The following UNC13B variants were observed in gnomAD, a reference collection of about 807,000 sequenced individuals.
UNC13B encodes protein unc-13 homolog B.
Under a neutral mutation model 211.0 loss-of-function variants are expected in UNC13B, and 144 were observed. The ratio of observed to expected loss-of-function variants is 0.68; its 90% CI spans 0.60 to 0.78. The LOEUF is 0.78. Ranked by LOEUF, UNC13B falls within the 30% of genes least tolerant of loss-of-function variation. UNC13B has a pLI of 0.00. For synonymous variants in UNC13B, 709 were observed against 725.8 expected (o/e 0.98, Z 0.37); for missense variants, 1,777 against 2,002.0 (o/e 0.89, Z 2.14).
At chr9:35,342,362 T>C in intron 11 of UNC13B, 2 of 985,770 alleles carry the variant, frequency 2.0e-6, no homozygotes, top group Non-Finnish European at 2.4e-6. Flanking sequence ...GTACCGAGTG[T>C]GTATGACTGA....
intron 6 of UNC13B, among the ~76,000 whole-genome samples, chr9:35,244,888 C>T (rs193244201): frequency 7.4e-4 from 113 of 152,270 alleles, no homozygotes; most frequent in Non-Finnish European, 1.4e-3. Flanking sequence ...GGACAAGCAA[C>T]ATCTACTCTT....
intron 1 of UNC13B, among the ~76,000 whole-genome samples, chr9:35,190,705 G>T (rs548730616): frequency 3.3e-5 from 5 of 152,196 alleles, no homozygotes; most frequent in African/African-American, 7.2e-5. Context: ...AAAGAAAAAA[G>T]ACTTTTTCCA....
chr9:35,405,255 C>T lies in UNC13B; in HGVS notation c.*1222C>T, dbSNP rs979403183. 1.3e-5 allele frequency: 2 copies of T among 152,638 alleles called. No homozygotes were observed. Among genetic ancestry groups the T allele is most frequent in the African/African-American group, 4.8e-5 (2 of 41,452 alleles). 9.5% of individuals were successfully genotyped at this position (152,638 alleles called of 1,614,324 possible). The stretch of plus-strand genomic sequence containing the variant: ...CCATTACATGAAACAAGAAACCAAG[C>T]ATCTTTGCTGTTGTTAATTATTATA... On this transcript the variant is annotated 3_prime_UTR_variant, in exon 40 of 40. Transcript: ENST00000635942.
chr9:35,288,792 G>C (rs1828931591), intron 7 of UNC13B, among the ~76,000 whole-genome samples: 1 of 152,144 alleles, frequency 6.6e-6, no homozygotes, highest in Admixed American at 6.5e-5. Context: ...AAACTGCTGT[G>C]GGGTGCTCAA....
chr9:35,185,711 G>A (rs536499485), intron 1 of UNC13B, among the ~76,000 whole-genome samples: 13 of 151,856 alleles, frequency 8.6e-5, no homozygotes, highest in African/African-American at 3.1e-4. Flanking sequence ...CTTGAGGCCA[G>A]GAGTTCGAGA....
At chr9:35,201,004 T>A (rs531505053) in intron 1 of UNC13B, among the ~76,000 whole-genome samples, 3 of 152,124 alleles carry the variant, frequency 2.0e-5, no homozygotes, top group Non-Finnish European at 4.4e-5. Flanking sequence ...TTTTGAGATA[T>A]GTCCCATCAG....
chr9:35,403,591 A>C lies in UNC13B; in HGVS notation c.12729A>C (p.Thr4243=). The C allele has an allele frequency of 1.4e-6, 2 of 1,471,870 alleles. No individual in the cohort carries two copies. The highest frequency in any genetic ancestry group is 1.8e-6 in the Non-Finnish European group (2 of 1,097,738). The allele number at this position is 1,471,870 out of a possible 1,614,324, so 91.2% of individuals were successfully genotyped here. ...ACTGGGCCCCCAAGTACAATGAGAC[A>C]TTCCACTTGTAAGTTACGGGGGGGA... The part of the protein sequence containing the change: ...SNNWAPKYNE[T]FHFLLGNEEG... The change falls in exon 39 of 40, where the codon ACA becomes ACC. Residue 4243 remains threonine (T), a synonymous_variant. Coordinates refer to ENST00000635942, the MANE Select transcript of UNC13B (RefSeq NM_001371189.2).
intron 10 of UNC13B, among the ~76,000 whole-genome samples, chr9:35,313,495 C>T (rs1056334155): frequency 6.6e-6 from 1 of 151,844 alleles, no homozygotes; most frequent in African/African-American, 2.4e-5. Context: ...TGTGGTGGCA[C>T]GCACCTGTAG....
Position 35,301,108 on chromosome 9 carries a change from A to T in UNC13B, c.1704A>T (p.Lys568Asn). The T allele has an allele frequency of 2.5e-6, 1 of 398,934 alleles. No homozygotes were observed. The highest frequency in any genetic ancestry group is 3.6e-5 in the East Asian group (1 of 28,064). The allele number at this position is 398,934 out of a possible 1,614,324, so 24.7% of individuals were successfully genotyped here. A position where few individuals can be genotyped will look rare whatever the true frequency, so the allele number is the denominator to read the frequency against. ...VEKLVSLVPE[K>N]TETLNQIEAI... ...AGTTGGTTTCCTTAGTTCCAGAAAAAACAGAAACTCTTAATCAAATAGAGG... is the reference window on the plus strand; with the variant it reads ...AGTTGGTTTCCTTAGTTCCAGAAAATACAGAAACTCTTAATCAAATAGAGG... The change falls in exon 9 of 40, where the codon AAA becomes AAT. Residue 568 changes from lysine to asparagine, a missense_variant. By Grantham distance (94) the Lys-to-Asn change is moderately conservative. Coordinates refer to ENST00000635942, the MANE Select transcript of UNC13B (RefSeq NM_001371189.2).
intron 1 of UNC13B, among the ~76,000 whole-genome samples, chr9:35,214,288 G>T (rs1485433441): frequency 6.6e-6 from 1 of 152,040 alleles, no homozygotes; most frequent in East Asian, 1.9e-4. Context: ...ATAGCTGGGT[G>T]TAGTGGTGCA....
rs1441725458 is a variant in UNC13B, at chr9:35,400,206, C to T, written c.12337-90C>T. The stretch of plus-strand genomic sequence containing the variant: ...GGTGTTCCTGAACAGCCTATTCTCA[C>T]AGTCCTCTTCTTGCTTCTCTGAGGA... On this transcript the variant is annotated intron_variant, in intron 36 of 39. Coordinates refer to ENST00000635942, the MANE Select transcript of UNC13B (RefSeq NM_001371189.2). 6 of 1,535,686 alleles carry T rather than the reference C, an allele frequency of 3.9e-6. No individual in the cohort carries two copies. In the African/African-American group the frequency reaches 6.9e-5, roughly 18 times the overall value.
At chr9:35,384,569 A>T in intron 22 of UNC13B, 1 of 985,206 alleles carries the variant, frequency 1.0e-6, no homozygotes, top group Non-Finnish European at 1.2e-6. Context: ...ACTCTACTAA[A>T]CTCTCTGGTG....
chr9:35,395,402 C>T (rs142372212), intron 26 of UNC13B, among the ~76,000 whole-genome samples: 4 of 152,264 alleles, frequency 2.6e-5, no homozygotes, highest in Non-Finnish European at 5.9e-5. Flanking sequence ...GGCAGAATCC[C>T]GGGCTTCCAT....
Position 35,308,281 on chromosome 9 carries a change from C to T in UNC13B, c.8877C>T (p.Ser2959=). The T allele has an allele frequency of 2.5e-6, 1 of 399,134 alleles. No individual in the cohort carries two copies. Among genetic ancestry groups the T allele is most frequent in the East Asian group, 3.6e-5 (1 of 28,074 alleles). The allele number at this position is 399,134 out of a possible 1,614,324, so 24.7% of individuals were successfully genotyped here. A position where few individuals can be genotyped will look rare whatever the true frequency, so the allele number is the denominator to read the frequency against. Residue 2959 remains serine, a synonymous_variant, in exon 9 of 40, where the codon TCC becomes TCT. Transcript: ENST00000635942. ...CAGGGAAACATGAGGAAGAACCCTC[C>T]ACTGTCTCTGAGATATTTCACCAGC... ...CPSGKHEEEP[S]TVSEIFHQLE...
intron 1 of UNC13B, among the ~76,000 whole-genome samples, chr9:35,225,500 A>G (rs1324492469): frequency 6.6e-6 from 1 of 152,052 alleles, no homozygotes; most frequent in Non-Finnish European, 1.5e-5. Context: ...ATGTGTTATA[A>G]CAATTCCTTC....
chr9:35,261,972 A>G (rs1317563824), intron 7 of UNC13B, among the ~76,000 whole-genome samples: 1 of 152,086 alleles, frequency 6.6e-6, no homozygotes, highest in Admixed American at 6.6e-5. Context: ...TTTTTTATGG[A>G]TAAATAGTAC....
At chr9:35,378,158 A>G (rs12551074) in intron 16 of UNC13B, 137 bp from the exon 17 acceptor site, 134,519 of 1,279,976 alleles carry the variant, frequency 0.11, 10,768 homozygotes, top group African/African-American at 0.34. Context: ...GGCCCAGGAC[A>G]AAGAATAAAT....
At chr9:35,341,971 C>G in intron 11 of UNC13B, 12 of 985,570 alleles carry the variant, frequency 1.2e-5, no homozygotes, top group Non-Finnish European at 1.4e-5. Flanking sequence ...CTTCAGCAGG[C>G]TGATCTCAGA....
At chr9:35,256,307 A>G (rs1375763395) in intron 6 of UNC13B, among the ~76,000 whole-genome samples, 1 of 151,572 alleles carries the variant, frequency 6.6e-6, no homozygotes. Flanking sequence ...TGGTTGTAGT[A>G]TTTTCTCAGA....
Sources: allele counts gnomAD v4.1 joint callset (sites outside exome capture counted in the v4.1 genomes callset), GRCh38; gene constraint gnomAD v4.1.1; transcripts MANE v1.5; gene names NCBI Gene and HGNC (gene_info 2026-07-23, HGNC 2026-07-21).